Variants in SUSD1 observed in about 807,000 individuals in gnomAD.
The protein encoded by SUSD1 is sushi domain containing 1, also known as sushi domain-containing protein 1.
A neutral mutation model predicts 86.9 loss-of-function variants in SUSD1; 65 were observed. The observed-to-expected ratio is 0.75, with a 90% CI of 0.61 to 0.92. The LOEUF (loss-of-function observed/expected upper bound fraction) is 0.92. SUSD1 is among the 40% of genes least tolerant of loss of function. The pLI, the probability that SUSD1 is intolerant of heterozygous loss-of-function variation, is 0.00. For missense variants in SUSD1, 850 were observed against 929.7 expected, an observed-to-expected ratio of 0.91 and a Z score of 1.11; for synonymous variants, 346 against 350.0, an observed-to-expected ratio of 0.99 and a Z score of 0.13.
intron 15 of SUSD1, among the ~76,000 whole-genome samples, chr9:112,050,107 T>C (rs1828124182): frequency 6.6e-6 from 1 of 152,192 alleles, no homozygotes; most frequent in African/African-American, 2.4e-5. Flanking sequence ...GATAAAAGCA[T>C]CTCTTTTCCT....
chr9:112,066,520 G>A (rs1828985041), intron 12 of SUSD1, among the ~76,000 whole-genome samples: 1 of 152,170 alleles, frequency 6.6e-6, no homozygotes, highest in Non-Finnish European at 1.5e-5. Flanking sequence ...CAGGTCTGGA[G>A]TGGCATTCTG....
chr9:112,172,604 C>T (rs1834092076), intron 1 of SUSD1, among the ~76,000 whole-genome samples: 3 of 152,228 alleles, frequency 2.0e-5, no homozygotes, highest in Admixed American at 1.3e-4. Flanking sequence ...AATCATCTTT[C>T]TTTCCAAATC....
intron 5 of SUSD1, among the ~76,000 whole-genome samples, chr9:112,128,406 T>A (rs558673193): frequency 6.6e-6 from 1 of 152,064 alleles, no homozygotes; most frequent in East Asian, 1.9e-4. Flanking sequence ...CAATCTTTTT[T>A]TTTTTGAGAT....
intron 12 of SUSD1, among the ~76,000 whole-genome samples, chr9:112,070,745 A>G (rs1829232424): frequency 6.6e-6 from 1 of 152,212 alleles, no homozygotes; most frequent in Admixed American, 6.5e-5. Flanking sequence ...TAAATGTATC[A>G]TAAAATTACA....
chr9:112,076,435 C>A (rs756791313), intron 12 of SUSD1, among the ~76,000 whole-genome samples: 3 of 152,084 alleles, frequency 2.0e-5, no homozygotes, highest in African/African-American at 4.8e-5. Context: ...TTGGTCTGAA[C>A]AATTGGGTGA....
chr9:112,168,567 G>C (rs369395517), intron 1 of SUSD1, among the ~76,000 whole-genome samples: 3 of 152,150 alleles, frequency 2.0e-5, no homozygotes, highest in African/African-American at 4.8e-5. Context: ...CAATACACGA[G>C]CAACAACTTC....
chr9:112,060,020 A>C (rs903069126), intron 13 of SUSD1, among the ~76,000 whole-genome samples: 5 of 151,698 alleles, frequency 3.3e-5, no homozygotes, highest in Admixed American at 3.3e-4. Context: ...AAAAGCATAC[A>C]TCAGCGTGAA....
At chr9:112,048,213 C>T (rs1422092942) in intron 15 of SUSD1, among the ~76,000 whole-genome samples, 4 of 152,276 alleles carry the variant, frequency 2.6e-5, no homozygotes, top group East Asian at 1.9e-4. Flanking sequence ...TCTCCCTATT[C>T]GGGAGCTTAA....
rs1383899185 is a variant in SUSD1, at chr9:112,175,035, C to A, written c.103+98G>T. On this transcript the variant is annotated intron_variant, in intron 1 of 16. Coordinates refer to ENST00000374270, the MANE Select transcript of SUSD1 (RefSeq NM_022486.5). This position sits in a 1 kb window ranked among gnomAD's most constrained non-coding sequence, Gnocchi z 4.7. ...GCCCCACGCCTCGGCACCGCGCCGG[C>A]CCGGCCCAGGGGCGGGGAAGCGTCC... 1 of 934,150 alleles carries A rather than the reference C, an allele frequency of 1.1e-6. No homozygotes were observed. The highest frequency in any genetic ancestry group is 1.3e-6 in the Non-Finnish European group (1 of 781,938). 57.9% of individuals were successfully genotyped at this position (934,150 alleles called of 1,614,324 possible).
intron 15 of SUSD1, among the ~76,000 whole-genome samples, chr9:112,042,968 C>A (rs969864821): frequency 6.6e-6 from 1 of 152,244 alleles, no homozygotes; most frequent in East Asian, 1.9e-4. Context: ...AAATTATAAC[C>A]GTGAAAAAGA....
In SUSD1 at chr9:112,175,250, C is replaced by A; in HGVS notation, c.-15G>T. The A allele has an allele frequency of 8.7e-7, 1 of 1,151,036 alleles. No individual in the cohort carries two copies. Among genetic ancestry groups the A allele is most frequent in the East Asian group, 4.1e-5 (1 of 24,222 alleles). The allele number at this position is 1,151,036 out of a possible 1,614,324, so 71.3% of individuals were successfully genotyped here. A position where few individuals can be genotyped will look rare whatever the true frequency, so the allele number is the denominator to read the frequency against. ...CCCCGGCCCATGCCGCCGCCGGTCC[C>A]TCCCGGCGCGCCCGCGCCTCCTCCC... On this transcript the variant is annotated 5_prime_UTR_variant, in exon 1 of 17. It adds an upstream start codon to the 5' untranslated region. Transcript: ENST00000374270. This position sits in a 1 kb window ranked among gnomAD's most constrained non-coding sequence, Gnocchi z 4.7.
intron 1 of SUSD1, among the ~76,000 whole-genome samples, chr9:112,164,670 C>T (rs1028678752): frequency 1.3e-5 from 2 of 152,010 alleles, no homozygotes; most frequent in Non-Finnish European, 2.9e-5. Context: ...CTGGGCCAGG[C>T]ACAGTAGCTC....
intron 5 of SUSD1, among the ~76,000 whole-genome samples, chr9:112,125,845 A>G (rs1831751642): frequency 6.6e-6 from 1 of 152,200 alleles, no homozygotes; most frequent in Non-Finnish European, 1.5e-5. Context: ...ACTCTTTTAC[A>G]TCCCATTATG....
intron 1 of SUSD1, among the ~76,000 whole-genome samples, chr9:112,173,029 C>G (rs1377747654): frequency 6.6e-6 from 1 of 152,206 alleles, no homozygotes; most frequent in Admixed American, 6.5e-5. Flanking sequence ...TACGTAGCTA[C>G]TAGCTGTGTT....
At chr9:112,168,000 G>A (rs576547176) in intron 1 of SUSD1, among the ~76,000 whole-genome samples, 9 of 152,178 alleles carry the variant, frequency 5.9e-5, no homozygotes, top group Non-Finnish European at 1.0e-4. Flanking sequence ...GAACAGTATG[G>A]GGGAAACCTC....
chr9:112,103,496 T>C (rs1468796123), intron 8 of SUSD1, among the ~76,000 whole-genome samples: 1 of 152,222 alleles, frequency 6.6e-6, no homozygotes, highest in African/African-American at 2.4e-5. Flanking sequence ...TCTGTCTCTG[T>C]ACAGGCAGAA....
In SUSD1 at chr9:112,149,612, A is replaced by G. The variant is rs546505396; in HGVS notation, c.218-213T>C. Among the ~76,000 whole-genome samples the G allele has an allele frequency of 3.3e-5, 5 of 152,324 alleles. No individual in the cohort carries two copies. In the South Asian group the frequency reaches 1.0e-3, roughly 32 times the overall value. On this transcript the variant is annotated intron_variant, in intron 2 of 16. Transcript: ENST00000374270. ...ATGTGCCAGGAGTGTATGAAACCCC[A>G]AGAGAAACACAACACCTCAATCTGG...
intron 10 of SUSD1, among the ~76,000 whole-genome samples, chr9:112,093,831 G>A (rs899185999): frequency 1.3e-5 from 2 of 152,164 alleles, no homozygotes; most frequent in African/African-American, 2.4e-5. Flanking sequence ...GAACAGATGA[G>A]GTAGGTAGAT....
At chr9:112,101,682 C>T (rs1177099169) in intron 9 of SUSD1, among the ~76,000 whole-genome samples, 1 of 151,494 alleles carries the variant, frequency 6.6e-6, no homozygotes, top group Non-Finnish European at 1.5e-5. Context: ...CCCATCTCTA[C>T]TAAAAATACA....
Sources: allele counts gnomAD v4.1 joint callset (sites outside exome capture counted in the v4.1 genomes callset), GRCh38; gene constraint gnomAD v4.1.1; non-coding constraint Gnocchi (gnomAD v3.1); transcripts MANE v1.5; gene names NCBI Gene and HGNC (gene_info 2026-07-23, HGNC 2026-07-21).